DDC: variants seen among roughly 807,000 people sequenced by gnomAD.
DDC encodes the protein dopa decarboxylase.
A neutral mutation model predicts 60.0 loss-of-function variants in DDC; 43 were observed. That is an observed-to-expected ratio of 0.72 (90% CI 0.56 to 0.92). The LOEUF (loss-of-function observed/expected upper bound fraction) is 0.92, where lower values mean the gene tolerates loss of function less well. DDC is among the 40% of genes least tolerant of loss of function. DDC has a pLI of 0.00. For missense variants in DDC, 573 were observed against 620.2 expected, an observed-to-expected ratio of 0.92 and a Z score of 0.81; for synonymous variants, 232 against 234.6, an observed-to-expected ratio of 0.99 and a Z score of 0.10.
chr7:50,494,761 A>T (rs1230218857), intron 9 of DDC, among the ~76,000 whole-genome samples: 1 of 151,934 alleles, frequency 6.6e-6, no homozygotes, highest in Non-Finnish European at 1.5e-5. Flanking sequence ...TCCCAGGTTC[A>T]AGCGATTCTC....
intron 1 of DDC, among the ~76,000 whole-genome samples, chr7:50,548,324 C>T (rs1461301339): frequency 6.6e-6 from 1 of 152,158 alleles, no homozygotes; most frequent in Non-Finnish European, 1.5e-5. Flanking sequence ...GTGAGGAAGG[C>T]ATGTCAAAAG....
At chr7:50,502,990 G>A (rs766086025) in intron 7 of DDC, among the ~76,000 whole-genome samples, 2 of 152,134 alleles carry the variant, frequency 1.3e-5, no homozygotes, top group Non-Finnish European at 1.5e-5. Flanking sequence ...CTTCAGCACC[G>A]GCCTTCCCCA....
At chr7:50,492,674 C>G in intron 9 of DDC, 1 of 1,050,326 alleles carries the variant, frequency 9.5e-7, no homozygotes, top group Non-Finnish European at 1.2e-6. Flanking sequence ...TTAATTCCTT[C>G]TACAAGGAAA....
At chr7:50,480,283 T>TG (rs2042738504) in intron 9 of DDC, among the ~76,000 whole-genome samples, 1 of 152,212 alleles carries the variant, frequency 6.6e-6, no homozygotes, top group African/African-American at 2.4e-5. Flanking sequence ...TGGAGAGCTC[T>TG]GGGTTGGTAA....
At chr7:50,480,927 C>A (rs1413231157) in intron 9 of DDC, among the ~76,000 whole-genome samples, 1 of 152,178 alleles carries the variant, frequency 6.6e-6, no homozygotes, top group Non-Finnish European at 1.5e-5. Context: ...TCTCACTGGG[C>A]TGGCCTTTGA....
At chr7:50,525,771 T>A (rs1366664559) in intron 6 of DDC, among the ~76,000 whole-genome samples, 3 of 146,866 alleles carry the variant, frequency 2.0e-5, no homozygotes, top group Admixed American at 6.7e-5. Context: ...CTCAAAAAAA[T>A]AAAATAAAAT....
intron 9 of DDC, among the ~76,000 whole-genome samples, chr7:50,480,244 C>G (rs1301259395): frequency 6.6e-6 from 1 of 152,114 alleles, no homozygotes; most frequent in Non-Finnish European, 1.5e-5. Flanking sequence ...CTGAATGAAA[C>G]TCCGTTAAAA....
chr7:50,470,999 A>T (rs2042517542), intron 11 of DDC, among the ~76,000 whole-genome samples: 1 of 152,174 alleles, frequency 6.6e-6, no homozygotes, highest in East Asian at 1.9e-4. Flanking sequence ...CAGGCGCGAC[A>T]CTCTAGCGCA....
Position 50,508,899 on chromosome 7 carries a change from C to T in DDC, c.715-4840G>A, listed in dbSNP as rs1035121561. 2.0e-5 allele frequency among the ~76,000 whole-genome samples: 3 copies of T among 152,268 alleles called. No individual in the cohort carries two copies. The East Asian group carries it at 5.8e-4, about 29-fold the overall frequency. ...GGTGCATTTCCTGGAATGTCCTGTG[C>T]TTTTCTGATCTCTGTACGCTGCAGC... On this transcript the variant is annotated intron_variant, in intron 6 of 14. Transcript: ENST00000444124.
intron 6 of DDC, among the ~76,000 whole-genome samples, chr7:50,521,825 C>T (rs1247482934): frequency 6.6e-6 from 1 of 152,158 alleles, no homozygotes; most frequent in Non-Finnish European, 1.5e-5. Flanking sequence ...CTCTTAACAT[C>T]ATACTTGATG....
intron 6 of DDC, among the ~76,000 whole-genome samples, chr7:50,526,934 A>G (rs1447912873): frequency 2.0e-5 from 3 of 152,238 alleles, no homozygotes; most frequent in African/African-American, 7.2e-5. Flanking sequence ...CTAAATGTGT[A>G]TGCACCAAAT....
At chr7:50,511,350 T>G (rs2043573782) in intron 6 of DDC, among the ~76,000 whole-genome samples, 1 of 151,752 alleles carries the variant, frequency 6.6e-6, no homozygotes, top group African/African-American at 2.4e-5. Context: ...CTGAAAAAAA[T>G]GCTTGTAATA....
intron 11 of DDC, 79 bp from the exon 12 acceptor site, chr7:50,470,250 A>G (rs999627704): frequency 5.5e-6 from 6 of 1,095,512 alleles, no homozygotes; most frequent in Middle Eastern, 2.0e-4. Context: ...CGGCTCGCCT[A>G]TTTCTCTTGG....
rs571524985 is a variant in DDC, at chr7:50,537,709, C to T, written c.435+151G>A. The stretch of plus-strand genomic sequence containing the variant: ...ATCCAGATCCTGCCAATCCCAAAGC[C>T]AGCATTTTCCCAAGAGCTCGGTTTT... On this transcript the variant is annotated intron_variant, in intron 4 of 14. Transcript: ENST00000444124. 1.3e-4 allele frequency: 132 copies of T among 1,030,718 alleles called. No individual in the cohort carries two copies. In the South Asian group the frequency reaches 1.6e-3, roughly 12 times the overall value. 63.8% of individuals were successfully genotyped at this position (1,030,718 alleles called of 1,614,324 possible).
intron 4 of DDC, among the ~76,000 whole-genome samples, chr7:50,533,744 G>A (rs1438851342): frequency 6.6e-6 from 1 of 152,176 alleles, no homozygotes; most frequent in Non-Finnish European, 1.5e-5. Context: ...GAGTGACGTG[G>A]CCCACAATAA....
chr7:50,516,140 G>T (rs142686468), intron 6 of DDC, among the ~76,000 whole-genome samples: 5 of 152,034 alleles, frequency 3.3e-5, no homozygotes, highest in Non-Finnish European at 5.9e-5. Context: ...GTTCAACAGC[G>T]CATGGAACTT....
chr7:50,485,947 A>T (rs2042871442), intron 9 of DDC, among the ~76,000 whole-genome samples: 1 of 152,214 alleles, frequency 6.6e-6, no homozygotes. Flanking sequence ...GAACAGAATA[A>T]TGAATTCATT....
Position 50,464,081 on chromosome 7 carries a change from C to T in DDC, c.1243-650G>A, listed in dbSNP as rs144968463. ...GTCTTCTGACACTTCACCTCCATCT[C>T]CCTTTGCTCCTCTGTCCTTCTTCTG... On this transcript the variant is annotated intron_variant, in intron 13 of 14. Coordinates refer to ENST00000444124, the MANE Select transcript of DDC (RefSeq NM_001082971.2). Among the ~76,000 whole-genome samples the T allele has an allele frequency of 4.2e-4, 64 of 152,114 alleles. No individual in the cohort carries two copies. In the Middle Eastern group the frequency reaches 0.01, roughly 24 times the overall value.
At chr7:50,460,668 G>GGTA (rs1477389286) in intron 14 of DDC, among the ~76,000 whole-genome samples, 1 of 151,600 alleles carries the variant, frequency 6.6e-6, no homozygotes, top group East Asian at 1.9e-4. Flanking sequence ...TGTAGAAAGA[G>GGTA]GTAGACACAG....
Sources: gnomAD v4.1 joint callset for allele counts (sites outside exome capture counted in the v4.1 genomes callset) on GRCh38, gnomAD v4.1.1 for gene constraint, MANE v1.5 for transcripts, NCBI Gene and HGNC (gene_info 2026-07-23, HGNC 2026-07-21) for gene names.